The following VAV1 variants were observed in gnomAD, a reference collection of about 807,000 sequenced individuals.
VAV1 encodes proto-oncogene vav.
A neutral mutation model predicts 128.1 loss-of-function variants in VAV1; 33 were observed. The observed-to-expected ratio is 0.26, with a 90% CI of 0.20 to 0.34. The LOEUF is 0.34. VAV1 is among the 10% of genes least tolerant of loss of function. The pLI, the probability that VAV1 is intolerant of heterozygous loss-of-function variation, is 1.00. For missense variants in VAV1, 715 were observed against 1,093.7 expected (o/e 0.65, Z 4.88); for synonymous variants, 394 against 409.8 (o/e 0.96, Z 0.47).
At chr19:6,813,159 G>A (rs917003840) in intron 1 of VAV1, among the ~76,000 whole-genome samples, 3 of 152,228 alleles carry the variant, frequency 2.0e-5, no homozygotes, top group Non-Finnish European at 4.4e-5. Context: ...CCCCTTTAGG[G>A]TTTCTAATGA....
intron 14 of VAV1, among the ~76,000 whole-genome samples, chr19:6,831,621 A>G (rs561939070): frequency 2.2e-4 from 33 of 151,958 alleles, no homozygotes; most frequent in Non-Finnish European, 4.7e-4. Context: ...TGGCTTCTCT[A>G]TTTCTCAACC....
intron 24 of VAV1, among the ~76,000 whole-genome samples, chr19:6,852,493 A>G (rs969499244): frequency 9.2e-5 from 14 of 152,130 alleles, no homozygotes; most frequent in African/African-American, 3.4e-4. Context: ...AGGCCGAGGC[A>G]GGCGGATCAC....
At chr19:6,821,416 A>G (rs1056532619) in intron 2 of VAV1, among the ~76,000 whole-genome samples, 2 of 152,248 alleles carry the variant, frequency 1.3e-5, no homozygotes, top group African/African-American at 2.4e-5. Context: ...ATACTAAAAT[A>G]TAAAAGAAAG....
At position 6,818,475 on chromosome 19, in the gene VAV1, G is replaced by A. The variant is rs117753006; in HGVS notation, c.205-2227G>A. ...GGCCTCCTTGCTGTTCCTCCAACAT[G>A]TTAGGCAAGATCCTGCCTCAGGACC... On this transcript the variant is annotated intron_variant, in intron 1 of 26. Transcript: ENST00000602142. Among the ~76,000 whole-genome samples the A allele has an allele frequency of 7.7e-3, 1,169 of 152,250 alleles. 8 individuals are homozygous for A. Among genetic ancestry groups the A allele is most frequent in the African/African-American group, 0.015 (615 of 41,520 alleles).
intron 19 of VAV1, among the ~76,000 whole-genome samples, chr19:6,834,377 G>T (rs1256803588): frequency 6.6e-6 from 1 of 151,016 alleles, no homozygotes; most frequent in Non-Finnish European, 1.5e-5. Flanking sequence ...CCAAGTAGCT[G>T]GGATTATAGG....
At chr19:6,841,964 G>C (rs185106128) in intron 21 of VAV1, among the ~76,000 whole-genome samples, 69 of 151,338 alleles carry the variant, frequency 4.6e-4, no homozygotes, top group African/African-American at 1.6e-3. Context: ...GGTGGTTCAC[G>C]CCTGTAATCC....
At position 6,829,909 on chromosome 19, in the gene VAV1, C is replaced by A. The variant is rs1972014245; in HGVS notation, c.1389C>A (p.Asp463Glu). 1 of 1,614,022 alleles carries A rather than the reference C, an allele frequency of 6.2e-7. No homozygotes were observed. The highest frequency in any genetic ancestry group is 1.7e-5 in the Admixed American group (1 of 59,994). The change falls in exon 14 of 27, where the codon GAC (aspartate) becomes GAA (glutamate). Residue 463 changes from aspartate to glutamate, a missense_variant. Asp to Glu is a conservative substitution (Grantham distance 45). Around this residue, in one of 3 missense-constraint regions of VAV1, gnomAD observed 407 missense variants for 580.6 expected, o/e 0.70. Transcript: ENST00000602142. ...QVRDDSSGDR[D>E]NKKWSHMFLL... The stretch of plus-strand genomic sequence containing the variant: ...GGGATGACTCTTCAGGAGACCGAGA[C>A]AACAAGAAGGTGGGGCTTTGACGCC...
At chr19:6,833,487 A>T in intron 16 of VAV1, 41 bp from the exon 17 acceptor site, 6 of 1,547,530 alleles carry the variant, frequency 3.9e-6, no homozygotes, top group Non-Finnish European at 5.2e-6. Context: ...CCCTGTCTGT[A>T]AAGGTCACTC....
At chr19:6,773,298 C>T (rs1273415935) in intron 1 of VAV1, among the ~76,000 whole-genome samples, 2 of 152,112 alleles carry the variant, frequency 1.3e-5, no homozygotes, top group East Asian at 1.9e-4. Flanking sequence ...GGCGCCTCTA[C>T]TGTGGTTCAT....
chr19:6,808,751 T>C (rs11085204), intron 1 of VAV1, among the ~76,000 whole-genome samples: 136,397 of 152,270 alleles, frequency 0.9, 61,341 homozygotes, highest in Non-Finnish European at 0.93. Flanking sequence ...TTAAAGACAA[T>C]ATTTGTTATT....
rs554800442 is a variant in VAV1, at chr19:6,826,519, C to T, written c.828-93C>T. 22 of 903,906 alleles carry T rather than the reference C, an allele frequency of 2.4e-5. No individual in the cohort carries two copies. In the Middle Eastern group the frequency reaches 6.4e-4, roughly 26 times the overall value. 56.0% of individuals were successfully genotyped at this position (903,906 alleles called of 1,614,324 possible). On this transcript the variant is annotated intron_variant, in intron 8 of 26. Coordinates refer to ENST00000602142, the MANE Select transcript of VAV1 (RefSeq NM_005428.4). The surrounding 1 kb of genome is among the most constrained non-coding windows in gnomAD (Gnocchi z 4.1). ...AGAAACTGGGACTCAGGTTTCTTCT[C>T]CAGCGGGGAAGAGCAAGGCCAGGGC...
chr19:6,788,513 C>T (rs1031894321), intron 1 of VAV1, among the ~76,000 whole-genome samples: 1 of 151,796 alleles, frequency 6.6e-6, no homozygotes, highest in African/African-American at 2.4e-5. Flanking sequence ...GCTGGGATTA[C>T]AGACAGGTAG....
chr19:6,807,615 G>A (rs1010380494), intron 1 of VAV1, among the ~76,000 whole-genome samples: 1 of 152,088 alleles, frequency 6.6e-6, no homozygotes, highest in African/African-American at 2.4e-5. Flanking sequence ...TGGAGGCTGA[G>A]GTGGGAGGAT....
intron 1 of VAV1, among the ~76,000 whole-genome samples, chr19:6,814,665 T>TC (rs1971586023): frequency 1.2e-5 from 1 of 81,844 alleles, no homozygotes; most frequent in African/African-American, 7.4e-5. Context: ...CCTTCCTTCC[T>TC]TCCTTCCTTT....
intron 18 of VAV1, 53 bp from the exon 19 acceptor site, chr19:6,833,855 C>T (rs1972153210): frequency 1.2e-6 from 2 of 1,613,078 alleles, no homozygotes; most frequent in Admixed American, 1.7e-5. Context: ...AGGGGGCCTA[C>T]AAGCCCCCAG....
intron 1 of VAV1, among the ~76,000 whole-genome samples, chr19:6,778,930 G>A (rs557922223): frequency 1.0e-4 from 15 of 150,490 alleles, no homozygotes; most frequent in Admixed American, 6.0e-4. Context: ...AGGCTGGAGT[G>A]CAGTGGTATG....
At chr19:6,842,812 C>T (rs948447135) in intron 21 of VAV1, among the ~76,000 whole-genome samples, 4 of 152,054 alleles carry the variant, frequency 2.6e-5, no homozygotes, top group African/African-American at 9.7e-5. Flanking sequence ...CCAACCTGGG[C>T]AGCATAGTGA....
chr19:6,812,229 C>G (rs1971529130), intron 1 of VAV1, among the ~76,000 whole-genome samples: 2 of 152,296 alleles, frequency 1.3e-5, no homozygotes, highest in South Asian at 4.1e-4. Flanking sequence ...AGGAATAGAA[C>G]TAAGGGCTTG....
chr19:6,838,606 T>A (rs1972290664), intron 21 of VAV1, among the ~76,000 whole-genome samples: 1 of 152,214 alleles, frequency 6.6e-6, no homozygotes, highest in Non-Finnish European at 1.5e-5. Flanking sequence ...ATTACCTATT[T>A]ATTATCATTT....
Sources: gnomAD v4.1 joint callset for allele counts (sites outside exome capture counted in the v4.1 genomes callset) on GRCh38, gnomAD v4.1.1 for gene constraint, gnomAD v4.1.1 regional missense constraint, Gnocchi (gnomAD v3.1) non-coding constraint, MANE v1.5 for transcripts, NCBI Gene and HGNC (gene_info 2026-07-23, HGNC 2026-07-21) for gene names.